AKAP7: variants seen among roughly 807,000 people sequenced by gnomAD.
AKAP7 encodes the protein A-kinase anchoring protein 7.
In AKAP7, 39 loss-of-function variants were observed where a neutral mutation model predicts 39.5. That is an observed-to-expected ratio of 0.99 (90% CI 0.76 to 1.29). The LOEUF (loss-of-function observed/expected upper bound fraction) is 1.29. Ranked by LOEUF, AKAP7 falls within the 50% of genes most tolerant of loss-of-function variation. The pLI is 0.00. For synonymous variants in AKAP7, 140 were observed against 139.1 expected (o/e 1.01, Z -0.05); for missense variants, 414 against 407.7 (o/e 1.02, Z -0.13).
intron 7 of AKAP7, among the ~76,000 whole-genome samples, chr6:131,245,402 G>A (rs147692716): frequency 2.0e-5 from 3 of 148,136 alleles, no homozygotes; most frequent in Non-Finnish European, 4.5e-5. Flanking sequence ...CCACCACCAC[G>A]CCCAGCTACG....
Position 131,281,609 on chromosome 6 carries a change from G to T in AKAP7, c.930G>T (p.Lys310Asn), listed in dbSNP as rs1815198819. 2 of 1,613,434 alleles carry T rather than the reference G, an allele frequency of 1.2e-6. No individual in the cohort carries two copies. Among genetic ancestry groups the T allele is most frequent in the Non-Finnish European group, 1.7e-6 (2 of 1,179,756 alleles). ...SKRLVENAVL[K>N]AVQQYLEETQ... ...GGCTGGTGGAGAACGCGGTGCTCAA[G>T]GCTGTCCAGCAGTATCTGGAGGAAA... is the stretch of plus-strand genomic sequence containing the variant. Residue 310 changes from lysine (K) to asparagine (N), a missense_variant, in exon 8 of 8, where the codon AAG (lysine) becomes AAT (asparagine). Transcript: ENST00000431975. The surrounding 1 kb of genome is among the most constrained non-coding windows in gnomAD (Gnocchi z 4.0).
intron 5 of AKAP7, among the ~76,000 whole-genome samples, chr6:131,186,984 G>T (rs1389819140): frequency 2.0e-5 from 3 of 152,088 alleles, no homozygotes; most frequent in African/African-American, 7.2e-5. Flanking sequence ...CTATATATTT[G>T]TCTTTATGCA....
intron 7 of AKAP7, among the ~76,000 whole-genome samples, chr6:131,239,415 T>G (rs538334546): frequency 1.3e-5 from 2 of 152,188 alleles, no homozygotes; most frequent in Admixed American, 1.3e-4. Flanking sequence ...GAGTATCTTT[T>G]TGGCGTTCTC....
At chr6:131,147,818 G>T (rs969550326) in intron 2 of AKAP7, among the ~76,000 whole-genome samples, 1 of 152,224 alleles carries the variant, frequency 6.6e-6, no homozygotes, top group African/African-American at 2.4e-5. Context: ...TGGAACAAGG[G>T]ATGAGTCTGT....
intron 7 of AKAP7, among the ~76,000 whole-genome samples, chr6:131,279,626 G>C (rs1337965161): frequency 6.6e-6 from 1 of 152,174 alleles, no homozygotes; most frequent in Non-Finnish European, 1.5e-5. Flanking sequence ...CTTCACTGTG[G>C]ACTAGTAGAA....
chr6:131,143,968 C>G (rs1328197555), intron 1 of AKAP7, among the ~76,000 whole-genome samples: 11 of 137,874 alleles, frequency 8.0e-5, no homozygotes, highest in Non-Finnish European at 1.4e-4. Flanking sequence ...TGACTCTTAA[C>G]GAGCATGCTG....
chr6:131,280,962 G>C (rs1206486346), intron 7 of AKAP7, among the ~76,000 whole-genome samples: 1 of 151,522 alleles, frequency 6.6e-6, no homozygotes, highest in Non-Finnish European at 1.5e-5. Context: ...GATAGCACTG[G>C]GATTAAAAAA....
At chr6:131,264,053 G>C (rs886673876) in intron 7 of AKAP7, among the ~76,000 whole-genome samples, 3 of 152,078 alleles carry the variant, frequency 2.0e-5, no homozygotes, top group Admixed American at 2.0e-4. Context: ...TACTGAGAGT[G>C]TATCTTTTGC....
At chr6:131,262,316 G>A (rs922613262) in intron 7 of AKAP7, among the ~76,000 whole-genome samples, 12 of 152,148 alleles carry the variant, frequency 7.9e-5, no homozygotes, top group Admixed American at 6.5e-4. Context: ...AGCGGGCAAA[G>A]GAGAAATAAG....
intron 1 of AKAP7, among the ~76,000 whole-genome samples, chr6:131,136,057 C>T (rs964790294): frequency 6.6e-6 from 1 of 152,210 alleles, no homozygotes; most frequent in East Asian, 1.9e-4. Context: ...TTTCTTTCTC[C>T]CTTTCTCATC....
At chr6:131,147,166 G>A (rs1343050115) in intron 2 of AKAP7, among the ~76,000 whole-genome samples, 1 of 152,232 alleles carries the variant, frequency 6.6e-6, no homozygotes, top group East Asian at 1.9e-4. Flanking sequence ...GCAGAGTGAT[G>A]TAAAAGCACA....
chr6:131,185,783 T>A (rs1456602942), intron 5 of AKAP7, among the ~76,000 whole-genome samples: 1 of 152,242 alleles, frequency 6.6e-6, no homozygotes, highest in African/African-American at 2.4e-5. Context: ...CTTTTCATTC[T>A]ATTATATCCT....
chr6:131,142,928 A>G (rs1378806005), intron 1 of AKAP7, among the ~76,000 whole-genome samples: 1 of 152,182 alleles, frequency 6.6e-6, no homozygotes, highest in Non-Finnish European at 1.5e-5. Context: ...TTGGAGCTTT[A>G]AGGTTTATTG....
intron 7 of AKAP7, among the ~76,000 whole-genome samples, chr6:131,254,920 A>G (rs1425713836): frequency 6.6e-6 from 1 of 152,208 alleles, no homozygotes; most frequent in Non-Finnish European, 1.5e-5. Context: ...TCAAATGTTG[A>G]GATAATTTCT....
At chr6:131,279,260 G>T (rs1189941098) in intron 7 of AKAP7, among the ~76,000 whole-genome samples, 1 of 151,998 alleles carries the variant, frequency 6.6e-6, no homozygotes, top group African/African-American at 2.4e-5. Flanking sequence ...ACATCAGCAG[G>T]GAAAATTCAC....
chr6:131,154,179 G>C (rs112068780), intron 2 of AKAP7, among the ~76,000 whole-genome samples: 10,886 of 152,110 alleles, frequency 0.072, 503 homozygotes, highest in Middle Eastern at 0.16. Flanking sequence ...TTGCACTCCA[G>C]CCTGGGCAAC....
chr6:131,216,517 T>C (rs1809194305), intron 6 of AKAP7, among the ~76,000 whole-genome samples: 1 of 152,192 alleles, frequency 6.6e-6, no homozygotes, highest in South Asian at 2.1e-4. Flanking sequence ...GAAATTCCTG[T>C]TTCCCGGTAC....
chr6:131,250,345 C>T, intron 7 of AKAP7: 5 of 1,358,542 alleles, frequency 3.7e-6, no homozygotes, highest in Admixed American at 3.0e-5. Context: ...AGAGCAGTTG[C>T]ATTAGGCTGG....
At chr6:131,238,625 T>A (rs1033859122) in intron 7 of AKAP7, among the ~76,000 whole-genome samples, 20 of 152,366 alleles carry the variant, frequency 1.3e-4, no homozygotes, top group African/African-American at 4.8e-4. Context: ...GATAGTTAGC[T>A]CTTCTTGTTG....
Sources: gnomAD v4.1 joint callset for allele counts (sites outside exome capture counted in the v4.1 genomes callset) on GRCh38, gnomAD v4.1.1 for gene constraint, Gnocchi (gnomAD v3.1) non-coding constraint, MANE v1.5 for transcripts, NCBI Gene and HGNC (gene_info 2026-07-23, HGNC 2026-07-21) for gene names.